The following CNTRL variants were observed in gnomAD, a reference collection of about 807,000 sequenced individuals.
CNTRL encodes the protein 110 kDa centrosomal protein.
CNTRL carries 233 observed loss-of-function variants against 303.7 expected under a neutral mutation model. The observed-to-expected ratio is 0.77, with a 90% CI of 0.69 to 0.86. CNTRL has a LOEUF of 0.86. Ranked by LOEUF, CNTRL falls within the 40% of genes least tolerant of loss-of-function variation. The pLI is 0.00. For missense variants in CNTRL, 2,524 were observed against 2,650.6 expected, an observed-to-expected ratio of 0.95 and a Z score of 1.05; for synonymous variants, 900 against 922.2, an observed-to-expected ratio of 0.98 and a Z score of 0.44.
At position 121,095,014 on chromosome 9, in the gene CNTRL, A is replaced by T. The variant is rs2048829477; in HGVS notation, c.475A>T (p.Ile159Phe). The T allele has an allele frequency of 6.3e-7, 1 of 1,598,286 alleles. No homozygotes were observed. The highest frequency in any genetic ancestry group is 1.1e-5 in the South Asian group (1 of 88,088). Reference sequence around the variant, plus strand: ...TGAACTCAACTTATCATATAACAAAATCAGGTGAGTTATATAACAAAATCT... The same window carrying T: ...TGAACTCAACTTATCATATAACAAATTCAGGTGAGTTATATAACAAAATCT... Reference protein sequence around the residue: ...LRELNLSYNKISKIEGIENMC... With the variant: ...LRELNLSYNKFSKIEGIENMC... Residue 159 changes from isoleucine to phenylalanine, a missense_variant, in exon 5 of 44, where the codon ATC (isoleucine) becomes TTC (phenylalanine). Transcript: ENST00000373855.
In CNTRL at chr9:121,175,005, T is replaced by C. The variant is rs557685576; in HGVS notation, c.6748-13T>C. On this transcript the variant is annotated splice_polypyrimidine_tract_variant and intron_variant, in intron 42 of 43. Coordinates refer to ENST00000373855, the MANE Select transcript of CNTRL (RefSeq NM_007018.6). Reference sequence around the variant, plus strand: ...CTTCTGTGTAAAACCCTAAGTCTTATCACACTTTTCAGGCCCAACTCCGAC... The same window carrying C: ...CTTCTGTGTAAAACCCTAAGTCTTACCACACTTTTCAGGCCCAACTCCGAC... 1.3e-5 allele frequency: 21 copies of C among 1,612,248 alleles called. No homozygotes were observed. The highest frequency in any genetic ancestry group is 1.6e-5 in the Non-Finnish European group (19 of 1,178,658).
intron 11 of CNTRL, among the ~76,000 whole-genome samples, chr9:121,117,928 G>A (rs1384444865): frequency 1.3e-5 from 2 of 151,232 alleles, no homozygotes; most frequent in African/African-American, 2.4e-5. Context: ...GCGGTGAGCC[G>A]AGATCGCGCC....
chr9:121,104,962 G>A (rs558063502), intron 7 of CNTRL, among the ~76,000 whole-genome samples: 6 of 152,132 alleles, frequency 3.9e-5, no homozygotes, highest in South Asian at 2.1e-4. Context: ...CGCCTGCCTC[G>A]GCCTCCCAAA....
In CNTRL at chr9:121,136,834, C is replaced by G. The variant is rs193226156; in HGVS notation, c.2202+852C>G. On this transcript the variant is annotated intron_variant, in intron 15 of 43. Coordinates refer to ENST00000373855, the MANE Select transcript of CNTRL (RefSeq NM_007018.6). ...AGATCTCTGATTGGTAAACTTTAGT[C>G]CAGCAAGTGAAACAGGTATGGAAGA... Among the ~76,000 whole-genome samples the G allele has an allele frequency of 1.1e-3, 175 of 152,230 alleles. 3 individuals are homozygous for G. The East Asian group carries it at 0.022, about 19-fold the overall frequency.
Position 121,136,265 on chromosome 9 carries a change from A to G in CNTRL, c.2202+283A>G, listed in dbSNP as rs2051186471. Among the ~76,000 whole-genome samples the G allele has an allele frequency of 2.0e-5, 3 of 152,266 alleles. No homozygotes were observed. The South Asian group carries it at 6.2e-4, about 32-fold the overall frequency. ...GAGATAATGGACATGAAAGCACCTG[A>G]CAGTTGATACTCAATAAATGCTAGT... On this transcript the variant is annotated intron_variant, in intron 15 of 43. Transcript: ENST00000373855.
chr9:121,169,899 A>G (rs1780695348), intron 39 of CNTRL, 83 bp downstream of exon 39: 5 of 1,123,472 alleles, frequency 4.5e-6, no homozygotes, highest in Non-Finnish European at 6.5e-6. Context: ...ACACAGAGAA[A>G]ATAAATTACC....
rs750940578 is a variant in CNTRL at position 121,158,078 on chromosome 9, A to G, written c.4733A>G (p.Lys1578Arg). Residue 1578 changes from lysine to arginine, a missense_variant, in exon 30 of 44, where the codon AAA (lysine) becomes AGA (arginine). Transcript: ENST00000373855. The part of the protein sequence containing the change: ...LKESEVLLQA[K>R]RAELEKLKSQ... The stretch of plus-strand genomic sequence containing the variant: ...GAATCTGAGGTGCTTCTTCAGGCCA[A>G]AAGAGCCGAGCTGGAAAAGCTGAAA... 3.7e-6 allele frequency: 6 copies of G among 1,614,086 alleles called. No individual in the cohort carries two copies. The South Asian group carries it at 6.6e-5, about 18-fold the overall frequency.
At chr9:121,124,551 A>G (rs986176461) in intron 13 of CNTRL, among the ~76,000 whole-genome samples, 1 of 152,192 alleles carries the variant, frequency 6.6e-6, no homozygotes, top group East Asian at 1.9e-4. Flanking sequence ...TCAGTGTAAA[A>G]AGATCCTGCT....
chr9:121,138,262 A>G (rs2051303777), intron 15 of CNTRL, among the ~76,000 whole-genome samples: 1 of 152,164 alleles, frequency 6.6e-6, no homozygotes, highest in African/African-American at 2.4e-5. Flanking sequence ...CACTTGCAGA[A>G]CTTTTAAAGG....
At chr9:121,128,782 A>C (rs1483254721) in intron 14 of CNTRL, among the ~76,000 whole-genome samples, 1 of 152,188 alleles carries the variant, frequency 6.6e-6, no homozygotes, top group Admixed American at 6.5e-5. Context: ...TAGGTCTAAC[A>C]TGTAAGTCTT....
chr9:121,102,107 T>C (rs952723490), intron 7 of CNTRL, among the ~76,000 whole-genome samples: 1 of 152,126 alleles, frequency 6.6e-6, no homozygotes, highest in Non-Finnish European at 1.5e-5. Context: ...AAAAAGAGAA[T>C]TTTAGACCAA....
In CNTRL at chr9:121,168,191, G is replaced by A. The variant is rs2053167675; in HGVS notation, c.5940G>A (p.Lys1980=). The A allele has an allele frequency of 6.2e-7, 1 of 1,614,046 alleles. No homozygotes were observed. Among genetic ancestry groups the A allele is most frequent in the African/African-American group, 1.3e-5 (1 of 74,938 alleles). ...AGGAGCAACAGCACCAGCTGGAAAAGGAATTAACAGACCAGAAAAGCAAAC... is the reference window on the plus strand; with the variant it reads ...AGGAGCAACAGCACCAGCTGGAAAAAGAATTAACAGACCAGAAAAGCAAAC... The part of the protein sequence containing the change: ...TLKEQQHQLE[K]ELTDQKSKLD... The change falls in exon 38 of 44, where the codon AAG becomes AAA. Residue 1980 remains lysine (K), a synonymous_variant. Coordinates refer to ENST00000373855, the MANE Select transcript of CNTRL (RefSeq NM_007018.6).
chr9:121,092,340 T>C (rs973860099), intron 4 of CNTRL, among the ~76,000 whole-genome samples: 1 of 141,954 alleles, frequency 7.0e-6, no homozygotes, highest in African/African-American at 2.6e-5. Context: ...ACTTGTTGAC[T>C]AAAAGAATGA....
intron 34 of CNTRL, among the ~76,000 whole-genome samples, chr9:121,163,188 AAAT>A (rs981845929): frequency 2.2e-5 from 3 of 135,434 alleles, no homozygotes; most frequent in Non-Finnish European, 3.2e-5. Context: ...AAAAAAAAAA[AAAT>A]AATAATAAAA....
chr9:121,115,191 A>G lies in CNTRL; in HGVS notation c.1446A>G (p.Gln482=). The change falls in exon 11 of 44, where the codon CAA becomes CAG. Residue 482 remains glutamine, a synonymous_variant. Transcript: ENST00000373855. The stretch of plus-strand genomic sequence containing the variant: ...TTAAACAACTGGAAGAAGCTATACA[A>G]CTAAAAAAGGTATGTAAAAGCAAAG... ...EEFKQLEEAI[Q]LKKISEAGKD... 1.3e-6 allele frequency: 2 copies of G among 1,570,336 alleles called. No homozygotes were observed. Among genetic ancestry groups the G allele is most frequent in the Non-Finnish European group, 1.7e-6 (2 of 1,146,978 alleles).
At position 121,084,590 on chromosome 9, in the gene CNTRL, G is replaced by C. The variant is rs914571773; in HGVS notation, c.-31-3706G>C. 3.3e-5 allele frequency among the ~76,000 whole-genome samples: 5 copies of C among 150,568 alleles called. No individual in the cohort carries two copies. In the South Asian group the frequency reaches 1.1e-3, roughly 32 times the overall value. On this transcript the variant is annotated intron_variant, in intron 2 of 43. Transcript: ENST00000373855. ...GATGGAGTCTCGCTTTGTCACCCAG[G>C]CTGGAGTGCAGTGGCGCGATCTTGG...
chr9:121,099,749 C>T (rs2049056178), intron 7 of CNTRL, among the ~76,000 whole-genome samples: 1 of 152,140 alleles, frequency 6.6e-6, no homozygotes, highest in Non-Finnish European at 1.5e-5. Context: ...GGCACGAGAA[C>T]TACGTGACAC....
chr9:121,145,269 G>GT lies in CNTRL; in HGVS notation c.3195dup (p.Val1066CysfsTer13), dbSNP rs769822865. On this transcript the variant is annotated frameshift_variant, in exon 22 of 44. Coordinates refer to ENST00000373855, the MANE Select transcript of CNTRL (RefSeq NM_007018.6). LOFTEE classifies it high-confidence loss of function. ...TTTCGACTTGAGATGGAGAAAACAG[G>GT]TGTAGGTACTGGAGCAAACTCACAG... The GT allele has an allele frequency of 3.1e-6, 5 of 1,612,834 alleles. No homozygotes were observed. The highest frequency in any genetic ancestry group is 1.7e-5 in the Admixed American group (1 of 59,640).
At chr9:121,081,393 T>C (rs1202721624) in intron 2 of CNTRL, among the ~76,000 whole-genome samples, 1 of 152,210 alleles carries the variant, frequency 6.6e-6, no homozygotes, top group Non-Finnish European at 1.5e-5. Flanking sequence ...TGTCCTCTTA[T>C]TCAGTTCAAT....
Sources: allele counts gnomAD v4.1 joint callset (sites outside exome capture counted in the v4.1 genomes callset), GRCh38; gene constraint gnomAD v4.1.1; transcripts MANE v1.5; gene names NCBI Gene and HGNC (gene_info 2026-07-23, HGNC 2026-07-21).